Variants in PAG1 observed in about 807,000 individuals in gnomAD.
PAG1 encodes phosphoprotein associated with glycosphingolipid-enriched microdomains 1.
In PAG1, 23 loss-of-function variants were observed where a neutral mutation model predicts 31.7. The ratio of observed to expected loss-of-function variants is 0.73; its 90% CI spans 0.52 to 1.03. The LOEUF (loss-of-function observed/expected upper bound fraction) is 1.03, where lower values mean the gene tolerates loss of function less well. Ranked by LOEUF, PAG1 falls within the 50% of genes least tolerant of loss-of-function variation. The pLI is 0.00. For synonymous variants in PAG1, 214 were observed against 210.3 expected, an observed-to-expected ratio of 1.02 and a Z score of -0.15; for missense variants, 473 against 540.7, an observed-to-expected ratio of 0.87 and a Z score of 1.24.
chr8:81,051,783 C>A (rs1321774104), intron 2 of PAG1, among the ~76,000 whole-genome samples: 2 of 152,056 alleles, frequency 1.3e-5, no homozygotes, highest in African/African-American at 4.8e-5. Flanking sequence ...TTTTCAGTTA[C>A]GTAAAAAATG....
chr8:81,018,691 C>T (rs1449828302), intron 3 of PAG1, among the ~76,000 whole-genome samples: 3 of 152,334 alleles, frequency 2.0e-5, no homozygotes, highest in African/African-American at 7.2e-5. Context: ...CTTTGCCTTA[C>T]ACCATGATTG....
chr8:80,999,314 C>T (rs908428916), intron 3 of PAG1, among the ~76,000 whole-genome samples: 14 of 152,216 alleles, frequency 9.2e-5, no homozygotes, highest in East Asian at 1.9e-4. Flanking sequence ...TTATCAAGAT[C>T]GCCCTATTCT....
intron 3 of PAG1, among the ~76,000 whole-genome samples, chr8:81,023,154 G>T (rs1309165814): frequency 6.6e-6 from 1 of 151,984 alleles, no homozygotes; most frequent in Non-Finnish European, 1.5e-5. Flanking sequence ...ATTATTAAAG[G>T]TTACATTAAC....
chr8:81,026,954 G>A (rs1273262357), intron 3 of PAG1, among the ~76,000 whole-genome samples: 2 of 152,260 alleles, frequency 1.3e-5, no homozygotes, highest in East Asian at 1.9e-4. Flanking sequence ...TCAAGCCTTG[G>A]TGGTTTTTTC....
At chr8:81,006,853 G>A (rs1353014335) in intron 3 of PAG1, among the ~76,000 whole-genome samples, 1 of 152,094 alleles carries the variant, frequency 6.6e-6, no homozygotes, top group Non-Finnish European at 1.5e-5. Flanking sequence ...TTTTGGAGAG[G>A]CCTTAGAATA....
chr8:80,978,146 C>T (rs1412844662), intron 8 of PAG1, among the ~76,000 whole-genome samples: 1 of 152,158 alleles, frequency 6.6e-6, no homozygotes, highest in Non-Finnish European at 1.5e-5. Context: ...CTTTTCATTA[C>T]AGGCTGGTGG....
At chr8:81,072,649 A>G (rs1232846015) in intron 1 of PAG1, among the ~76,000 whole-genome samples, 1 of 152,180 alleles carries the variant, frequency 6.6e-6, no homozygotes, top group East Asian at 1.9e-4. Context: ...GGCTGCAGTG[A>G]TCTATGTTGT....
chr8:81,058,851 T>C (rs1365982103), intron 2 of PAG1, among the ~76,000 whole-genome samples: 1 of 152,132 alleles, frequency 6.6e-6, no homozygotes, highest in African/African-American at 2.4e-5. Flanking sequence ...GAGGTATGAT[T>C]ATACCATTGC....
At chr8:81,017,928 A>G (rs762250512) in intron 3 of PAG1, among the ~76,000 whole-genome samples, 1 of 152,200 alleles carries the variant, frequency 6.6e-6, no homozygotes, top group Non-Finnish European at 1.5e-5. Context: ...TACTAGTCAA[A>G]TAATTATGAT....
At chr8:80,980,519 GA>G in intron 7 of PAG1, 25 bp from the exon 8 acceptor site, 1 of 1,522,152 alleles carries the variant, frequency 6.6e-7, no homozygotes, top group Non-Finnish European at 9.1e-7. Flanking sequence ...ACAAGCCAAG[GA>G]AAGTAATTCA....
At chr8:81,096,178 T>C (rs1201108077) in intron 1 of PAG1, among the ~76,000 whole-genome samples, 3 of 152,192 alleles carry the variant, frequency 2.0e-5, no homozygotes, top group Non-Finnish European at 4.4e-5. Flanking sequence ...TCCTTAATAA[T>C]AAAGCAATGA....
At chr8:81,068,098 T>C (rs562216817) in intron 2 of PAG1, among the ~76,000 whole-genome samples, 1 of 152,316 alleles carries the variant, frequency 6.6e-6, no homozygotes, top group South Asian at 2.1e-4. Flanking sequence ...GGTTTCACCA[T>C]GTTGGCCAGG....
chr8:81,048,753 G>A (rs978436687), intron 2 of PAG1, among the ~76,000 whole-genome samples: 10 of 152,132 alleles, frequency 6.6e-5, no homozygotes, highest in African/African-American at 2.4e-4. Flanking sequence ...ATATATAAAT[G>A]TACATACATT....
intron 3 of PAG1, among the ~76,000 whole-genome samples, chr8:81,024,872 A>G (rs1808248417): frequency 1.3e-5 from 2 of 152,084 alleles, no homozygotes; most frequent in Non-Finnish European, 2.9e-5. Context: ...TCTACCTTAC[A>G]TTCTCTGTGC....
chr8:81,048,281 T>A (rs1281374896), intron 2 of PAG1, among the ~76,000 whole-genome samples: 1 of 151,960 alleles, frequency 6.6e-6, no homozygotes, highest in Non-Finnish European at 1.5e-5. Context: ...TGTCTTATAT[T>A]GGGGGAGAAT....
intron 3 of PAG1, among the ~76,000 whole-genome samples, chr8:81,004,372 G>A (rs973829680): frequency 5.3e-5 from 8 of 152,140 alleles, no homozygotes; most frequent in South Asian, 2.1e-4. Flanking sequence ...TCTGCAACTC[G>A]GGTTGGTTTC....
At chr8:81,054,380 C>T (rs535246689) in intron 2 of PAG1, among the ~76,000 whole-genome samples, 17 of 152,100 alleles carry the variant, frequency 1.1e-4, no homozygotes, top group Non-Finnish European at 1.3e-4. Flanking sequence ...ACAGCTAACA[C>T]GAGGCACAGG....
chr8:81,085,576 T>A (rs1809337629), intron 1 of PAG1, among the ~76,000 whole-genome samples: 1 of 152,108 alleles, frequency 6.6e-6, no homozygotes, highest in Admixed American at 6.5e-5. Context: ...AAATAGTACA[T>A]TACCCTACCT....
In PAG1 at chr8:80,975,234, T is replaced by C. The variant is rs940472877; in HGVS notation, c.*1310A>G. ...ATTCCATTTATTTCTCTAGGGGGTC[T>C]AGGTAATTTGAATCAGGAGCTCCAA... On this transcript the variant is annotated 3_prime_UTR_variant, in exon 9 of 9. Transcript: ENST00000220597. The C allele has an allele frequency of 6.6e-6, 1 of 152,228 alleles. No homozygotes were observed. Among genetic ancestry groups the C allele is most frequent in the African/African-American group, 2.4e-5 (1 of 41,464 alleles). The allele number at this position is 152,228 out of a possible 1,614,324, so 9.4% of individuals were successfully genotyped here. A position where few individuals can be genotyped will look rare whatever the true frequency, so the allele number is the denominator to read the frequency against.
Sources: gnomAD v4.1 joint callset for allele counts (sites outside exome capture counted in the v4.1 genomes callset) on GRCh38, gnomAD v4.1.1 for gene constraint, MANE v1.5 for transcripts, NCBI Gene and HGNC (gene_info 2026-07-23, HGNC 2026-07-21) for gene names.